Variants in EPHA7 observed in about 807,000 individuals in gnomAD.
EPHA7 encodes EPH receptor A7, also known as ephrin type-A receptor 7.
Under a neutral mutation model 112.6 loss-of-function variants are expected in EPHA7, and 25 were observed. The ratio of observed to expected loss-of-function variants is 0.22; its 90% CI spans 0.16 to 0.31. EPHA7 has a LOEUF of 0.31. EPHA7 is among the 10% of genes least tolerant of loss of function. The pLI is 1.00. For synonymous variants in EPHA7, 437 were observed against 406.5 expected (o/e 1.07, Z -0.90); for missense variants, 962 against 1,212.6 (o/e 0.79, Z 3.07).
At chr6:93,269,036 C>T (rs1006104084) in intron 7 of EPHA7, among the ~76,000 whole-genome samples, 30 of 151,908 alleles carry the variant, frequency 2.0e-4, no homozygotes, top group Admixed American at 1.6e-3. Flanking sequence ...GGGCAATTCA[C>T]TTAAATTAAT....
intron 14 of EPHA7, among the ~76,000 whole-genome samples, chr6:93,248,040 T>C (rs2127848194): frequency 6.6e-6 from 1 of 152,052 alleles, no homozygotes; most frequent in African/African-American, 2.4e-5. Flanking sequence ...TAAAACAGCA[T>C]TCGAGGGGGA....
intron 1 of EPHA7, among the ~76,000 whole-genome samples, chr6:93,418,331 G>C (rs969638259): frequency 6.6e-6 from 1 of 152,218 alleles, no homozygotes; most frequent in Non-Finnish European, 1.5e-5. Context: ...AGGCGTATCT[G>C]TAACAGCTTG....
chr6:93,410,559 C>G lies in EPHA7; in HGVS notation c.774G>C (p.Val258=), dbSNP rs768441444. 6 of 1,614,024 alleles carry G rather than the reference C, an allele frequency of 3.7e-6. No homozygotes were observed. The South Asian group carries it at 6.6e-5, about 18-fold the overall frequency. The change falls in exon 3 of 17, where the codon GTG becomes GTC. Residue 258 remains valine, a synonymous_variant. Coordinates refer to ENST00000369303, the MANE Select transcript of EPHA7 (RefSeq NM_004440.4). The surrounding 1 kb of genome is among the most constrained non-coding windows in gnomAD (Gnocchi z 4.0). ...MHCSAEGEWL[V]PIGKCICKAG... The stretch of plus-strand genomic sequence containing the variant: ...CTTTGCAGATACATTTTCCAATGGG[C>G]ACTAACCATTCTCCTTCTGCACTGC...
chr6:93,357,091 TA>T, intron 4 of EPHA7, 39 bp from the exon 5 acceptor site: 1 of 1,467,068 alleles, frequency 6.8e-7, no homozygotes, highest in Middle Eastern at 1.8e-4. Flanking sequence ...TAAGCAAAAA[TA>T]GAAAAAAAAA....
intron 5 of EPHA7, among the ~76,000 whole-genome samples, chr6:93,331,895 ACT>A (rs1454928731): frequency 1.3e-5 from 2 of 151,522 alleles, no homozygotes; most frequent in African/African-American, 4.8e-5. Flanking sequence ...TCATTATATA[ACT>A]CTGCTTTAAG....
chr6:93,403,753 A>G (rs186844589), intron 3 of EPHA7, among the ~76,000 whole-genome samples: 34 of 152,216 alleles, frequency 2.2e-4, no homozygotes, highest in Admixed American at 8.5e-4. Context: ...AATTTCTACA[A>G]CCGGGAGACC....
At chr6:93,276,573 G>A (rs1335513635) in intron 5 of EPHA7, among the ~76,000 whole-genome samples, 2 of 151,978 alleles carry the variant, frequency 1.3e-5, no homozygotes, top group African/African-American at 2.4e-5. Flanking sequence ...ATAAATGAGT[G>A]TTTTAAATTG....
At chr6:93,389,381 G>A (rs935522909) in intron 3 of EPHA7, among the ~76,000 whole-genome samples, 2 of 152,038 alleles carry the variant, frequency 1.3e-5, no homozygotes, top group Admixed American at 6.6e-5. Flanking sequence ...CAAAGGTCTT[G>A]AGAGATTAAA....
At chr6:93,386,673 G>T (rs1413449444) in intron 3 of EPHA7, among the ~76,000 whole-genome samples, 1 of 151,070 alleles carries the variant, frequency 6.6e-6, no homozygotes, top group African/African-American at 2.5e-5. Flanking sequence ...CCTAGCAGAG[G>T]TTCTCCACGA....
intron 5 of EPHA7, among the ~76,000 whole-genome samples, chr6:93,340,607 G>C (rs561690116): frequency 6.6e-6 from 1 of 151,890 alleles, no homozygotes; most frequent in African/African-American, 2.4e-5. Context: ...CTGGTCCCAA[G>C]CATTACAAAT....
chr6:93,383,324 T>C (rs1027538342), intron 3 of EPHA7, among the ~76,000 whole-genome samples: 1 of 147,470 alleles, frequency 6.8e-6, no homozygotes, highest in Non-Finnish European at 1.5e-5. Flanking sequence ...ACTCATTTTG[T>C]GTGTGTGTGT....
chr6:93,297,519 T>G (rs1772733340), intron 5 of EPHA7, among the ~76,000 whole-genome samples: 1 of 152,166 alleles, frequency 6.6e-6, no homozygotes, highest in Non-Finnish European at 1.5e-5. Flanking sequence ...TTTTCTTTGA[T>G]GTCTCATTTA....
At chr6:93,403,546 G>A (rs752445646) in intron 3 of EPHA7, among the ~76,000 whole-genome samples, 2 of 151,862 alleles carry the variant, frequency 1.3e-5, no homozygotes, top group Non-Finnish European at 2.9e-5. Flanking sequence ...GGTGGAGGCA[G>A]AGAGGATCAC....
At chr6:93,335,624 C>T (rs1407894350) in intron 5 of EPHA7, among the ~76,000 whole-genome samples, 2 of 152,004 alleles carry the variant, frequency 1.3e-5, no homozygotes, top group African/African-American at 4.8e-5. Flanking sequence ...AGACCCATAA[C>T]TTAACCAGTA....
chr6:93,302,518 C>T (rs918494722), intron 5 of EPHA7, among the ~76,000 whole-genome samples: 6 of 152,134 alleles, frequency 3.9e-5, no homozygotes, highest in Admixed American at 1.3e-4. Flanking sequence ...CCCTCTGGTA[C>T]CTGGACTGTT....
Position 93,285,210 on chromosome 6 carries a change from T to A in EPHA7, c.1325-12788A>T, listed in dbSNP as rs868613822. 7.3e-4 allele frequency among the ~76,000 whole-genome samples: 111 copies of A among 152,320 alleles called. 2 individuals are homozygous for A. The highest frequency in any genetic ancestry group is 2.6e-3 in the African/African-American group (107 of 41,576). On this transcript the variant is annotated intron_variant, in intron 5 of 16. Transcript: ENST00000369303. ...AATACATTTTGATTAGCTTTGCAACTTCTATTTTAAAGTTGTTGTTTTACA... is the reference window on the plus strand; with the variant it reads ...AATACATTTTGATTAGCTTTGCAACATCTATTTTAAAGTTGTTGTTTTACA...
intron 5 of EPHA7, among the ~76,000 whole-genome samples, chr6:93,301,222 CT>C (rs926097976): frequency 2.0e-5 from 3 of 151,492 alleles, no homozygotes; most frequent in Non-Finnish European, 2.9e-5. Context: ...TTTTAAGTTT[CT>C]TTTTTTTAAA....
chr6:93,400,393 A>G (rs1778381827), intron 3 of EPHA7, among the ~76,000 whole-genome samples: 1 of 152,024 alleles, frequency 6.6e-6, no homozygotes, highest in South Asian at 2.1e-4. Flanking sequence ...TTTTTCTCAG[A>G]ATAAGCTTTT....
chr6:93,417,066 AGGC>A (rs961687745), intron 1 of EPHA7, among the ~76,000 whole-genome samples: 4 of 152,196 alleles, frequency 2.6e-5, no homozygotes, highest in Admixed American at 1.3e-4. Flanking sequence ...TCTGAGGAAG[AGGC>A]GGCGGCGGCG....
Sources: gnomAD v4.1 joint callset for allele counts (sites outside exome capture counted in the v4.1 genomes callset) on GRCh38, gnomAD v4.1.1 for gene constraint, Gnocchi (gnomAD v3.1) non-coding constraint, MANE v1.5 for transcripts, NCBI Gene and HGNC (gene_info 2026-07-23, HGNC 2026-07-21) for gene names.